CCSER2: variants seen among roughly 807,000 people sequenced by gnomAD.
CCSER2 encodes serine-rich coiled-coil domain-containing protein 2.
In CCSER2, 46 loss-of-function variants were observed where a neutral mutation model predicts 92.3. The observed-to-expected ratio is 0.50, with a 90% CI of 0.39 to 0.64. The LOEUF is 0.64. Ranked by LOEUF, CCSER2 falls within the 30% of genes least tolerant of loss-of-function variation. The pLI, the probability that CCSER2 is intolerant of heterozygous loss-of-function variation, is 0.00. For missense variants in CCSER2, 1,244 were observed against 1,238.9 expected (o/e 1.00, Z -0.06); for synonymous variants, 433 against 431.4 (o/e 1.00, Z -0.04).
At chr10:84,426,218 A>G (rs1417090437) in intron 5 of CCSER2, among the ~76,000 whole-genome samples, 1 of 152,220 alleles carries the variant, frequency 6.6e-6, no homozygotes, top group African/African-American at 2.4e-5. Context: ...GTTTTTCCAA[A>G]TAATATTTAA....
chr10:84,427,791 C>T (rs908984406), intron 5 of CCSER2, among the ~76,000 whole-genome samples: 3 of 152,162 alleles, frequency 2.0e-5, no homozygotes, highest in African/African-American at 7.2e-5. Context: ...CATCTCTTCA[C>T]CTACATTCTC....
Position 84,371,308 on chromosome 10 carries a change from C to G in CCSER2, c.256C>G (p.Gln86Glu). The G allele has an allele frequency of 6.2e-7, 1 of 1,613,590 alleles. No individual in the cohort carries two copies. The change falls in exon 2 of 10, where the codon CAA becomes GAA. Residue 86 changes from glutamine (Q) to glutamate (E), a missense_variant. Transcript: ENST00000372088. ...AGGTGTCGAAGAGCCTAACAATACT[C>G]AAAATTCACATGATAAAATAATTGA... The part of the protein sequence containing the change: ...AQGVEEPNNT[Q>E]NSHDKIIDPE...
At chr10:84,402,882 T>C (rs1317726451) in intron 3 of CCSER2, among the ~76,000 whole-genome samples, 1 of 152,198 alleles carries the variant, frequency 6.6e-6, no homozygotes, top group African/African-American at 2.4e-5. Context: ...ATGTCACTTC[T>C]TCCTAAATTT....
At position 84,425,725 on chromosome 10, in the gene CCSER2, G is replaced by A; in HGVS notation, c.1706-6G>A. 6.2e-7 allele frequency: 1 copy of A among 1,605,246 alleles called. No individual in the cohort carries two copies. Among genetic ancestry groups the A allele is most frequent in the East Asian group, 2.2e-5 (1 of 44,496 alleles). ...TTTATAGTCTTTTGCTTTTGAATCT[G>A]TCTAGTGGAGTGTGACAATATGAAC... is the stretch of plus-strand genomic sequence containing the variant. On this transcript the variant is annotated splice_region_variant and splice_polypyrimidine_tract_variant and intron_variant, in intron 4 of 9. Coordinates refer to ENST00000372088, the MANE Select transcript of CCSER2 (RefSeq NM_001284240.2).
At chr10:84,486,601 T>A (rs1307491141) in intron 9 of CCSER2, among the ~76,000 whole-genome samples, 1 of 152,202 alleles carries the variant, frequency 6.6e-6, no homozygotes, top group Non-Finnish European at 1.5e-5. Flanking sequence ...TTTGTTTTTT[T>A]CTTGTAAATT....
chr10:84,353,691 CT>C (rs1419641376), intron 1 of CCSER2, among the ~76,000 whole-genome samples: 1 of 152,168 alleles, frequency 6.6e-6, no homozygotes, highest in Non-Finnish European at 1.5e-5. Context: ...CAAGCTGCCA[CT>C]TTCTTCTGGA....
At chr10:84,450,320 A>G (rs1845200699) in intron 6 of CCSER2, among the ~76,000 whole-genome samples, 1 of 152,226 alleles carries the variant, frequency 6.6e-6, no homozygotes, top group Admixed American at 6.5e-5. Context: ...GTATAAAACT[A>G]TCAAAAGGAC....
intron 3 of CCSER2, chr10:84,390,788 T>C (rs1292613721): frequency 4.3e-6 from 2 of 468,968 alleles, no homozygotes; most frequent in African/African-American, 3.9e-5. Flanking sequence ...ACCTCTATAC[T>C]ATTAATACAT....
At chr10:84,362,975 T>A (rs1170249978) in intron 1 of CCSER2, among the ~76,000 whole-genome samples, 1 of 151,616 alleles carries the variant, frequency 6.6e-6, no homozygotes, top group Non-Finnish European at 1.5e-5. Flanking sequence ...TAGCTAGAAT[T>A]ACAGGTGCCT....
At position 84,464,012 on chromosome 10, in the gene CCSER2, A is replaced by G. The variant is rs762192635; in HGVS notation, c.2144A>G (p.Tyr715Cys). 2 of 1,586,280 alleles carry G rather than the reference A, an allele frequency of 1.3e-6. No individual in the cohort carries two copies. Residue 715 changes from tyrosine to cysteine, a missense_variant, in exon 7 of 10, where the codon TAT becomes TGT. Transcript: ENST00000372088. ...GAACCAGAAGATGGTGATAAAGTAT[A>G]TAAGGTATGACTATGTAGTCATGCT... ...SPEPEDGDKV[Y>C]KNEDLLNEIK... is the part of the protein sequence containing the mutation.
At chr10:84,335,224 C>CTTTTTTTTT (rs1843763392) in intron 1 of CCSER2, among the ~76,000 whole-genome samples, 1 of 98,390 alleles carries the variant, frequency 1.0e-5, no homozygotes, top group Non-Finnish European at 2.2e-5. Context: ...ACTTCTCTCT[C>CTTTTTTTTT]TCTCTTTTTT....
At chr10:84,465,259 G>A (rs1433990914) in intron 7 of CCSER2, among the ~76,000 whole-genome samples, 2 of 102,232 alleles carry the variant, frequency 2.0e-5, no homozygotes, top group Non-Finnish European at 3.3e-5. Flanking sequence ...GTGTGTGTGT[G>A]TGTGTGTGTG....
At chr10:84,441,946 C>T (rs925781294) in intron 6 of CCSER2, among the ~76,000 whole-genome samples, 18 of 151,692 alleles carry the variant, frequency 1.2e-4, no homozygotes, top group African/African-American at 4.1e-4. Flanking sequence ...TTAGTAGAGA[C>T]AGGGTTTCAC....
intron 1 of CCSER2, among the ~76,000 whole-genome samples, chr10:84,329,199 C>T (rs1429049588): frequency 1.3e-5 from 2 of 152,140 alleles, no homozygotes; most frequent in Non-Finnish European, 2.9e-5. Context: ...CTTTCAATTA[C>T]TGGGCTAAAT....
chr10:84,441,648 G>A (rs1844542491), intron 6 of CCSER2, among the ~76,000 whole-genome samples: 1 of 148,934 alleles, frequency 6.7e-6, no homozygotes, highest in South Asian at 2.2e-4. Context: ...TCTACTGAGT[G>A]AAGGTTTTTT....
At chr10:84,373,577 C>T (rs1408406982) in intron 2 of CCSER2, 42 bp from the exon 3 acceptor site, 1 of 1,446,530 alleles carries the variant, frequency 6.9e-7, no homozygotes, top group Non-Finnish European at 9.6e-7. Context: ...ACACGAGAAA[C>T]AATTATATTT....
In CCSER2 at chr10:84,514,473, G is replaced by T; in HGVS notation, c.*206G>T. On this transcript the variant is annotated 3_prime_UTR_variant, in exon 10 of 10. Transcript: ENST00000372088. The stretch of plus-strand genomic sequence containing the variant: ...TGCCATTTGAGCATAATTATCTCAG[G>T]TAAACACGAAAGTTTGCTTACCCAT... 1 of 544,074 alleles carries T rather than the reference G, an allele frequency of 1.8e-6. No individual in the cohort carries two copies. 33.7% of individuals were successfully genotyped at this position (544,074 alleles called of 1,614,324 possible).
intron 9 of CCSER2, among the ~76,000 whole-genome samples, chr10:84,479,101 A>G (rs999052158): frequency 3.9e-5 from 6 of 152,172 alleles, no homozygotes; most frequent in Admixed American, 6.5e-5. Context: ...GGAAGTCTTT[A>G]TACCACCTCT....
At chr10:84,512,395 T>A (rs2798072) in intron 9 of CCSER2, among the ~76,000 whole-genome samples, 86,330 of 127,798 alleles carry the variant, frequency 0.68, 27,438 homozygotes, top group Middle Eastern at 0.72. Flanking sequence ...TGTGTGTGTG[T>A]GAGAGAGAGA....
Sources: allele counts gnomAD v4.1 joint callset (sites outside exome capture counted in the v4.1 genomes callset), GRCh38; gene constraint gnomAD v4.1.1; transcripts MANE v1.5; gene names NCBI Gene and HGNC (gene_info 2026-07-23, HGNC 2026-07-21).